Variants in CLASP2 observed in about 807,000 individuals in gnomAD.
CLASP2 encodes cytoplasmic linker associated protein 2, also known as CLIP-associating protein 2.
In CLASP2, 47 loss-of-function variants were observed where a neutral mutation model predicts 194.4. That is an observed-to-expected ratio of 0.24 (90% confidence interval 0.19 to 0.31). The LOEUF (loss-of-function observed/expected upper bound fraction) is 0.31, where lower values mean the gene tolerates loss of function less well. Ranked by LOEUF, CLASP2 falls within the 10% of genes least tolerant of loss-of-function variation. The pLI is 1.00. For synonymous variants in CLASP2, 619 were observed against 633.5 expected (o/e 0.98, Z 0.34); for missense variants, 1,445 against 1,823.6 (o/e 0.79, Z 3.78).
intron 12 of CLASP2, 76 bp from the exon 13 acceptor site, chr3:33,612,147 C>G (rs2075303550): frequency 1.1e-6 from 1 of 877,456 alleles, no homozygotes; most frequent in Non-Finnish European, 1.8e-6. Flanking sequence ...GCCTTACATT[C>G]AAGTATTTAG....
At chr3:33,606,551 G>A (rs769089283) in intron 16 of CLASP2, 40 bp downstream of exon 16, 1 of 1,532,878 alleles carries the variant, frequency 6.5e-7, no homozygotes. Context: ...GGGAGTTGAG[G>A]AGAGGAAGAG....
At chr3:33,641,234 T>C (rs1293726882) in intron 8 of CLASP2, among the ~76,000 whole-genome samples, 1 of 151,988 alleles carries the variant, frequency 6.6e-6, no homozygotes, top group Non-Finnish European at 1.5e-5. Flanking sequence ...CCTAAAATAC[T>C]GTAAAGATAT....
chr3:33,656,811 G>C (rs1235130438), intron 7 of CLASP2, among the ~76,000 whole-genome samples: 1 of 48,602 alleles, frequency 2.1e-5, no homozygotes, highest in African/African-American at 8.1e-5. Context: ...GAAATAACAC[G>C]ATAGTATTTT....
At chr3:33,579,371 T>C (rs1027008155) in intron 23 of CLASP2, among the ~76,000 whole-genome samples, 2 of 152,236 alleles carry the variant, frequency 1.3e-5, no homozygotes, top group African/African-American at 4.8e-5. Flanking sequence ...TCACAGTAAT[T>C]AGTAGTAGAT....
At chr3:33,576,361 G>A (rs2064890012) in intron 23 of CLASP2, 86 bp from the exon 24 acceptor site, 5 of 978,732 alleles carry the variant, frequency 5.1e-6, no homozygotes, top group South Asian at 3.4e-5. Flanking sequence ...CCTTTACAGG[G>A]GAAGGAAAAA....
intron 23 of CLASP2, among the ~76,000 whole-genome samples, chr3:33,579,671 C>T (rs1266091587): frequency 6.6e-6 from 1 of 152,158 alleles, no homozygotes; most frequent in Non-Finnish European, 1.5e-5. Flanking sequence ...ATGTGTCAAG[C>T]ACTGCCTTGA....
At chr3:33,561,223 C>T (rs958545569) in intron 27 of CLASP2, among the ~76,000 whole-genome samples, 1 of 152,142 alleles carries the variant, frequency 6.6e-6, no homozygotes, top group African/African-American at 2.4e-5. Context: ...GAAAGTTTGG[C>T]CATAATGGCT....
At chr3:33,671,026 T>C (rs1402276066) in intron 6 of CLASP2, among the ~76,000 whole-genome samples, 2 of 152,154 alleles carry the variant, frequency 1.3e-5, no homozygotes, top group African/African-American at 2.4e-5. Flanking sequence ...CATCTCCTGC[T>C]GCTCTAGTTT....
intron 6 of CLASP2, among the ~76,000 whole-genome samples, chr3:33,668,757 C>T (rs2086634887): frequency 6.6e-6 from 1 of 152,156 alleles, no homozygotes; most frequent in Non-Finnish European, 1.5e-5. Flanking sequence ...AAAGAAGCAT[C>T]ACCAAGGAGA....
chr3:33,574,327 G>A (rs1406516470), intron 24 of CLASP2: 6 of 553,230 alleles, frequency 1.1e-5, no homozygotes, highest in Admixed American at 3.5e-5. Flanking sequence ...TATCTCTCTC[G>A]ATAACCATAT....
intron 22 of CLASP2, 148 bp downstream of exon 22, chr3:33,584,602 A>C: frequency 1.3e-6 from 1 of 754,144 alleles, no homozygotes; most frequent in Non-Finnish European, 2.0e-6. Flanking sequence ...TTCAACTCAT[A>C]AACTATTCTT....
intron 22 of CLASP2, among the ~76,000 whole-genome samples, chr3:33,582,835 G>T (rs749371072): frequency 1.3e-5 from 2 of 152,166 alleles, no homozygotes; most frequent in African/African-American, 4.8e-5. Flanking sequence ...AAAACAAAAA[G>T]AAGTGAATTA....
intron 7 of CLASP2, chr3:33,645,172 T>C: frequency 2.7e-6 from 2 of 751,560 alleles, no homozygotes; most frequent in South Asian, 2.8e-5. Flanking sequence ...CTAAAGGTAG[T>C]AAAAGTATTT....
chr3:33,573,605 T>A (rs1021066114), intron 24 of CLASP2: 204 of 520,934 alleles, frequency 3.9e-4, no homozygotes, highest in Non-Finnish European at 5.8e-5. Flanking sequence ...GAAGTTCAGA[T>A]ATGTAAAGTG....
At chr3:33,699,801 C>T (rs2092240037) in intron 1 of CLASP2, among the ~76,000 whole-genome samples, 1 of 150,614 alleles carries the variant, frequency 6.6e-6, no homozygotes, top group South Asian at 2.1e-4. Flanking sequence ...TTGTACTTAC[C>T]TGCTTTGGGA....
intron 6 of CLASP2, among the ~76,000 whole-genome samples, chr3:33,675,363 A>C (rs1360332280): frequency 6.6e-6 from 1 of 152,100 alleles, no homozygotes; most frequent in East Asian, 1.9e-4. Flanking sequence ...TAGATGCAGA[A>C]AAGGCCTTTG....
At chr3:33,647,406 T>C (rs1347768402) in intron 7 of CLASP2, among the ~76,000 whole-genome samples, 2 of 152,110 alleles carry the variant, frequency 1.3e-5, no homozygotes, top group South Asian at 2.1e-4. Context: ...TCAGAAACTC[T>C]AGAGTAATCT....
chr3:33,557,154 A>G (rs550774364), intron 29 of CLASP2, among the ~76,000 whole-genome samples: 1 of 151,730 alleles, frequency 6.6e-6, no homozygotes, highest in Non-Finnish European at 1.5e-5. Context: ...TTGTATTTTC[A>G]GTAGAGACAG....
At chr3:33,684,815 C>A (rs1394634887) in intron 5 of CLASP2, among the ~76,000 whole-genome samples, 1 of 151,008 alleles carries the variant, frequency 6.6e-6, no homozygotes, top group African/African-American at 2.4e-5. Flanking sequence ...GTCTGGCCAA[C>A]ATGGTGAAAC....
Sources: gnomAD v4.1 joint callset for allele counts (sites outside exome capture counted in the v4.1 genomes callset) on GRCh38, gnomAD v4.1.1 for gene constraint, MANE v1.5 for transcripts, NCBI Gene and HGNC (gene_info 2026-07-23, HGNC 2026-07-21) for gene names.